GLIS3: variants seen among roughly 807,000 people sequenced by gnomAD.
GLIS3 encodes GLIS family zinc finger 3.
In GLIS3, 53 loss-of-function variants were observed where a neutral mutation model predicts 78.6. The observed-to-expected ratio is 0.67, with a 90% CI of 0.54 to 0.85. The LOEUF (loss-of-function observed/expected upper bound fraction) is 0.85, where lower values mean the gene tolerates loss of function less well. GLIS3 is among the 40% of genes least tolerant of loss of function. The pLI, the probability that GLIS3 is intolerant of heterozygous loss-of-function variation, is 0.00. For missense variants in GLIS3, 1,703 were observed against 1,231.1 expected (o/e 1.38, Z -5.74); for synonymous variants, 684 against 509.9 (o/e 1.34, Z -4.60).
At chr9:3,914,110 AT>A (rs917890407) in intron 6 of GLIS3, among the ~76,000 whole-genome samples, 7 of 149,380 alleles carry the variant, frequency 4.7e-5, no homozygotes, top group Non-Finnish European at 8.9e-5. Flanking sequence ...TTGAACCGAA[AT>A]TTTTTTTAAA....
chr9:3,967,099 G>C (rs1160868310), intron 4 of GLIS3, among the ~76,000 whole-genome samples: 1 of 145,470 alleles, frequency 6.9e-6, no homozygotes, highest in Non-Finnish European at 1.5e-5. Context: ...AATTCTTCTT[G>C]GACATTTAGT....
intron 2 of GLIS3, among the ~76,000 whole-genome samples, chr9:4,337,895 G>T (rs1817776070): frequency 6.6e-6 from 1 of 152,030 alleles, no homozygotes; most frequent in Non-Finnish European, 1.5e-5. Context: ...AGAAACTGGG[G>T]TTCAAAGAGA....
At chr9:4,454,470 G>A in the GLIS3 span, among the ~76,000 whole-genome samples, 1 of 152,176 alleles carries the variant, frequency 6.6e-6, no homozygotes, top group Admixed American at 6.5e-5. Flanking sequence ...CTTATCTAAA[G>A]TTATGGAGAG....
chr9:4,298,226 G>A (rs1816763267), intron 1 of GLIS3, among the ~76,000 whole-genome samples: 1 of 152,006 alleles, frequency 6.6e-6, no homozygotes, highest in Non-Finnish European at 1.5e-5. Flanking sequence ...CCACGGCCGG[G>A]CTCGCAGTCC....
intron 2 of GLIS3, among the ~76,000 whole-genome samples, chr9:4,334,585 G>T (rs575786454): frequency 2.9e-4 from 44 of 152,312 alleles, no homozygotes; most frequent in Non-Finnish European, 2.8e-4. Flanking sequence ...TGTCCTCCTG[G>T]CAACAGGTTA....
Position 4,279,297 on chromosome 9 carries a change from C to CAAAAAAA in GLIS3, c.388+6734_388+6740dup, listed in dbSNP as rs56734583. Among the ~76,000 whole-genome samples, 51 of 91,972 alleles carry CAAAAAAA rather than the reference C, an allele frequency of 5.5e-4. 7 individuals carry two copies. The highest frequency in any genetic ancestry group is 7.1e-4 in the Non-Finnish European group (34 of 47,864). The allele number at this position is 91,972 out of a possible 152,430, so 60.3% of individuals were successfully genotyped here. On this transcript the variant is annotated intron_variant, in intron 2 of 10. Coordinates refer to ENST00000381971, the MANE Select transcript of GLIS3 (RefSeq NM_001042413.2). Reference sequence around the variant, plus strand: ...TGGGCAACAGAGCAAGACTCCATCTCAAAAAAAAAAAAAAAAAATATATAT... The same window carrying CAAAAAAA: ...TGGGCAACAGAGCAAGACTCCATCTCAAAAAAAAAAAAAAAAAAAAAAAAATATATAT...
At chr9:4,063,993 A>C (rs1826873544) in intron 4 of GLIS3, among the ~76,000 whole-genome samples, 2 of 152,222 alleles carry the variant, frequency 1.3e-5, no homozygotes, top group African/African-American at 4.8e-5. Context: ...CAGATGTCAA[A>C]TATATTTCAA....
chr9:4,465,215 G>A, the GLIS3 span, among the ~76,000 whole-genome samples: 1 of 152,188 alleles, frequency 6.6e-6, no homozygotes, highest in Non-Finnish European at 1.5e-5. Context: ...TAAGAATGGA[G>A]GAAATTTACA....
intron 2 of GLIS3, among the ~76,000 whole-genome samples, chr9:4,169,476 T>C (rs1816176945): frequency 6.6e-6 from 1 of 152,196 alleles, no homozygotes; most frequent in Non-Finnish European, 1.5e-5. Flanking sequence ...CCACTTAATG[T>C]GCCGTGTGGC....
chr9:4,449,185 C>T, the GLIS3 span, among the ~76,000 whole-genome samples: 2,045 of 152,272 alleles, frequency 0.013, 45 homozygotes, highest in African/African-American at 0.047. Context: ...CATGGCTTGG[C>T]GGATCCCAAG....
chr9:4,226,840 TG>T (rs1821811839), intron 2 of GLIS3, among the ~76,000 whole-genome samples: 1 of 152,246 alleles, frequency 6.6e-6, no homozygotes, highest in Admixed American at 6.5e-5. Flanking sequence ...GTTTACACCA[TG>T]GCCTCAGTAA....
the GLIS3 span, among the ~76,000 whole-genome samples, chr9:4,481,744 G>T: frequency 6.6e-6 from 1 of 152,002 alleles, no homozygotes; most frequent in Non-Finnish European, 1.5e-5. Context: ...ACATCTTTGG[G>T]TATTTTTTTC....
At chr9:4,128,648 A>C (rs1832745903) in intron 2 of GLIS3, among the ~76,000 whole-genome samples, 1 of 152,176 alleles carries the variant, frequency 6.6e-6, no homozygotes, top group Non-Finnish European at 1.5e-5. Flanking sequence ...ATGTCTCTCC[A>C]CATAATTGCT....
upstream of GLIS3, among the ~76,000 whole-genome samples, chr9:4,349,240 C>A (rs1817931765): frequency 6.6e-6 from 1 of 152,180 alleles, no homozygotes; most frequent in African/African-American, 2.4e-5. Context: ...GTCAGTGGCA[C>A]TGGTATGCAC....
chr9:4,268,531 G>A (rs939662966), intron 2 of GLIS3, among the ~76,000 whole-genome samples: 5 of 152,142 alleles, frequency 3.3e-5, no homozygotes, highest in African/African-American at 1.2e-4. Context: ...CAATAATATG[G>A]TTTAGTGTAC....
intron 2 of GLIS3, among the ~76,000 whole-genome samples, chr9:4,271,774 G>T (rs996503467): frequency 2.0e-5 from 3 of 152,120 alleles, no homozygotes; most frequent in Non-Finnish European, 4.4e-5. Context: ...CTCCTGCTCT[G>T]CTCACCATAA....
intron 2 of GLIS3, among the ~76,000 whole-genome samples, chr9:4,190,764 T>G (rs1169959960): frequency 1.3e-5 from 2 of 151,414 alleles, no homozygotes; most frequent in African/African-American, 4.9e-5. Context: ...ATGAAAAAAA[T>G]GTTAAGGGCA....
chr9:3,837,273 G>C (rs1021832459), intron 9 of GLIS3, among the ~76,000 whole-genome samples: 1 of 152,156 alleles, frequency 6.6e-6, no homozygotes, highest in African/African-American at 2.4e-5. Context: ...TGAAACCAGT[G>C]ATAACACCAA....
chr9:4,445,250 A>C, the GLIS3 span, among the ~76,000 whole-genome samples: 2 of 152,170 alleles, frequency 1.3e-5, no homozygotes, highest in African/African-American at 4.8e-5. Context: ...ACCCTTGAAA[A>C]CTGTAAAGTG....
Sources: gnomAD v4.1 joint callset for allele counts (sites outside exome capture counted in the v4.1 genomes callset) on GRCh38, gnomAD v4.1.1 for gene constraint, MANE v1.5 for transcripts, NCBI Gene and HGNC (gene_info 2026-07-23, HGNC 2026-07-21) for gene names.